The following VPS53 variants were observed in gnomAD, a reference collection of about 807,000 sequenced individuals.
VPS53 encodes vacuolar protein sorting-associated protein 53 homolog.
VPS53 carries 70 observed loss-of-function variants against 107.0 expected under a neutral mutation model. The ratio of observed to expected loss-of-function variants is 0.65; its 90% CI spans 0.54 to 0.80. The LOEUF (loss-of-function observed/expected upper bound fraction) is 0.80. Ranked by LOEUF, VPS53 falls within the 30% of genes least tolerant of loss-of-function variation. The pLI is 0.00. For missense variants in VPS53, 917 were observed against 1,049.4 expected (o/e 0.87, Z 1.74); for synonymous variants, 409 against 393.3 (o/e 1.04, Z -0.47).
intron 7 of VPS53, among the ~76,000 whole-genome samples, chr17:635,970 C>G (rs1201005758): frequency 3.3e-5 from 5 of 152,170 alleles, no homozygotes; most frequent in African/African-American, 9.7e-5. Context: ...GGCACTGAAT[C>G]TATAAATTAC....
In VPS53 at chr17:517,746, C is replaced by T; in HGVS notation, c.*1382G>A. The T allele has an allele frequency of 9.0e-6, 2 of 222,658 alleles. No homozygotes were observed. The highest frequency in any genetic ancestry group is 1.7e-5 in the Non-Finnish European group (2 of 115,054). The allele number at this position is 222,658 out of a possible 1,614,324, so 13.8% of individuals were successfully genotyped here. On this transcript the variant is annotated 3_prime_UTR_variant, in exon 22 of 22. Transcript: ENST00000437048. ...ATGTTGGGCAGGCTGGTCTCGAATT[C>T]CTGACCTCAGGTGATCCACCTGCCT...
intron 11 of VPS53, chr17:615,942 G>A (rs1969115344): frequency 6.6e-6 from 1 of 152,244 alleles, no homozygotes; most frequent in Non-Finnish European, 1.5e-5. Context: ...GCCACTGAGG[G>A]TCGCAGAATA....
chr17:712,957 C>T (rs1973697517), intron 1 of VPS53, among the ~76,000 whole-genome samples: 1 of 152,124 alleles, frequency 6.6e-6, no homozygotes, highest in Admixed American at 6.5e-5. Flanking sequence ...AGCCGTGTGG[C>T]CGGAACACTA....
intron 19 of VPS53, 111 bp downstream of exon 19, chr17:532,731 C>A: frequency 2.0e-6 from 3 of 1,515,044 alleles, no homozygotes; most frequent in Middle Eastern, 1.7e-4. Flanking sequence ...TGTCCCCAAA[C>A]AGGGGACATC....
chr17:697,268 T>A lies in VPS53; in HGVS notation c.285+150A>T, dbSNP rs969126584. On this transcript the variant is annotated intron_variant, in intron 4 of 21. Transcript: ENST00000437048. The stretch of plus-strand genomic sequence containing the variant: ...GGGACACTGAGGGACAGCACGTGGC[T>A]GCTGTGGGCGCCTGCCCTGTCTTGT... 3 of 716,240 alleles carry A rather than the reference T, an allele frequency of 4.2e-6. No individual in the cohort carries two copies. In the African/African-American group the frequency reaches 5.3e-5, roughly 13 times the overall value. 44.4% of individuals were successfully genotyped at this position (716,240 alleles called of 1,614,324 possible).
At chr17:652,903 G>C (rs1971012488) in intron 7 of VPS53, among the ~76,000 whole-genome samples, 1 of 152,244 alleles carries the variant, frequency 6.6e-6, no homozygotes, top group African/African-American at 2.4e-5. Flanking sequence ...GTCTGCACCA[G>C]ACAGTTAGAT....
intron 12 of VPS53, among the ~76,000 whole-genome samples, chr17:591,686 G>T (rs934740288): frequency 6.6e-6 from 1 of 152,144 alleles, no homozygotes; most frequent in Non-Finnish European, 1.5e-5. Flanking sequence ...TAGTTGAGCG[G>T]TTTTGAGTGA....
intron 7 of VPS53, among the ~76,000 whole-genome samples, chr17:639,418 G>A (rs1016581803): frequency 4.6e-5 from 7 of 152,112 alleles, no homozygotes; most frequent in Non-Finnish European, 7.3e-5. Context: ...CTCTCAACTC[G>A]TCAAAGTCAT....
At chr17:587,939 C>T (rs1040178605) in intron 12 of VPS53, among the ~76,000 whole-genome samples, 4 of 152,162 alleles carry the variant, frequency 2.6e-5, no homozygotes, top group Non-Finnish European at 4.4e-5. Flanking sequence ...ACCCACAAAG[C>T]CCTCACCACC....
At chr17:546,329 TCACACACACACA>T (rs71371545) in intron 17 of VPS53, among the ~76,000 whole-genome samples, 1,848 of 131,960 alleles carry the variant, frequency 0.014, 40 homozygotes, top group African/African-American at 0.048. Flanking sequence ...CTTAGATATC[TCACACACACACA>T]CACACACACA....
chr17:645,935 T>C (rs1470537924), intron 7 of VPS53, among the ~76,000 whole-genome samples: 2 of 123,860 alleles, frequency 1.6e-5, no homozygotes, highest in Non-Finnish European at 3.5e-5. Context: ...GACTGGAGAC[T>C]GGCTCCCACA....
chr17:672,269 C>T (rs1307690506), intron 4 of VPS53, among the ~76,000 whole-genome samples: 1 of 151,758 alleles, frequency 6.6e-6, no homozygotes, highest in Non-Finnish European at 1.5e-5. Context: ...GAGACGCTAT[C>T]CTTCTGGCGG....
At chr17:541,653 C>T (rs1910672869) in intron 17 of VPS53, among the ~76,000 whole-genome samples, 2 of 144,238 alleles carry the variant, frequency 1.4e-5, no homozygotes, top group Non-Finnish European at 3.0e-5. Flanking sequence ...CAAGGACCTA[C>T]CACGCACCGG....
At chr17:540,064 C>G (rs965204936) in intron 17 of VPS53, among the ~76,000 whole-genome samples, 1 of 150,886 alleles carries the variant, frequency 6.6e-6, no homozygotes, top group Admixed American at 6.6e-5. Context: ...AACTTCCCCC[C>G]CGACCCGCCC....
intron 4 of VPS53, among the ~76,000 whole-genome samples, chr17:696,272 G>A (rs1972955874): frequency 6.6e-6 from 1 of 152,130 alleles, no homozygotes. Context: ...AGACAGATGG[G>A]AAAACTACAG....
At chr17:626,335 T>C (rs879335003) in intron 10 of VPS53, among the ~76,000 whole-genome samples, 1 of 152,006 alleles carries the variant, frequency 6.6e-6, no homozygotes, top group Admixed American at 6.6e-5. Flanking sequence ...ATGGATAACG[T>C]AGAGAGGATG....
At chr17:691,618 A>T (rs1265296581) in intron 4 of VPS53, among the ~76,000 whole-genome samples, 2 of 152,218 alleles carry the variant, frequency 1.3e-5, no homozygotes. Flanking sequence ...GACAATTAGT[A>T]AATTTTAAAT....
intron 7 of VPS53, among the ~76,000 whole-genome samples, chr17:647,973 G>C (rs1970774889): frequency 6.6e-6 from 1 of 152,228 alleles, no homozygotes; most frequent in Non-Finnish European, 1.5e-5. Flanking sequence ...CCCACACCGT[G>C]AATGCGTGAA....
chr17:647,815 C>T (rs918280796), intron 7 of VPS53, among the ~76,000 whole-genome samples: 2 of 152,182 alleles, frequency 1.3e-5, no homozygotes, highest in African/African-American at 4.8e-5. Context: ...AAATCCAAAT[C>T]CAGACAAGAA....
Sources: gnomAD v4.1 joint callset for allele counts (sites outside exome capture counted in the v4.1 genomes callset) on GRCh38, gnomAD v4.1.1 for gene constraint, MANE v1.5 for transcripts, NCBI Gene and HGNC (gene_info 2026-07-23, HGNC 2026-07-21) for gene names.